HCN1: variants seen among roughly 807,000 people sequenced by gnomAD.
HCN1 encodes potassium/sodium hyperpolarization-activated cyclic nucleotide-gated channel 1.
HCN1 carries 13 observed loss-of-function variants against 78.9 expected under a neutral mutation model. The ratio of observed to expected loss-of-function variants is 0.16; its 90% CI spans 0.11 to 0.26. HCN1 has a LOEUF of 0.26. Among genes scored for constraint, HCN1 ranks in the 10% least tolerant of loss-of-function variants. The pLI is 1.00. For missense variants in HCN1, 810 were observed against 1,154.3 expected (o/e 0.70, Z 4.32); for synonymous variants, 552 against 455.5 (o/e 1.21, Z -2.70).
chr5:45,644,613 C>T (rs1745510023), intron 2 of HCN1: 1 of 152,326 alleles, frequency 6.6e-6, no homozygotes, highest in African/African-American at 2.4e-5. Flanking sequence ...ATGAAATGAA[C>T]TAATAGGGAG....
intron 1 of HCN1, among the ~76,000 whole-genome samples, chr5:45,681,944 C>T (rs993379087): frequency 6.6e-6 from 1 of 151,994 alleles, no homozygotes; most frequent in Non-Finnish European, 1.5e-5. Flanking sequence ...GTGTTGAAGT[C>T]CTAACCCACA....
chr5:45,519,763 T>C (rs1434569281), intron 2 of HCN1, among the ~76,000 whole-genome samples: 1 of 152,018 alleles, frequency 6.6e-6, no homozygotes, highest in East Asian at 1.9e-4. Flanking sequence ...GAAAATTTTA[T>C]TTTCTGTCTT....
chr5:45,430,800 C>A (rs181407909), intron 3 of HCN1, among the ~76,000 whole-genome samples: 39 of 151,922 alleles, frequency 2.6e-4, no homozygotes, highest in African/African-American at 9.4e-4. Context: ...CCAGCCTGGG[C>A]GACAGAGCGA....
intron 7 of HCN1, among the ~76,000 whole-genome samples, 160 bp downstream of exon 7, chr5:45,266,929 G>C (rs770333705): frequency 2.0e-5 from 3 of 151,996 alleles, no homozygotes; most frequent in African/African-American, 7.3e-5. Flanking sequence ...GGCTGGTCTC[G>C]AACTCCTGAC....
chr5:45,320,354 G>C (rs1202600823), intron 5 of HCN1, among the ~76,000 whole-genome samples: 3 of 151,790 alleles, frequency 2.0e-5, no homozygotes, highest in African/African-American at 7.2e-5. Flanking sequence ...CAAAACAGCA[G>C]TTGGTATGTT....
At chr5:45,487,679 G>T (rs1419493457) in intron 2 of HCN1, among the ~76,000 whole-genome samples, 1 of 152,028 alleles carries the variant, frequency 6.6e-6, no homozygotes, top group African/African-American at 2.4e-5. Context: ...AATAATGTAA[G>T]TTCATGTTCC....
At chr5:45,414,046 T>C (rs747086102) in intron 3 of HCN1, among the ~76,000 whole-genome samples, 7 of 151,918 alleles carry the variant, frequency 4.6e-5, no homozygotes, top group Non-Finnish European at 1.0e-4. Context: ...TAGATATTAA[T>C]CAATTAGACC....
intron 2 of HCN1, among the ~76,000 whole-genome samples, chr5:45,508,371 C>T (rs1742348637): frequency 1.3e-5 from 2 of 152,116 alleles, no homozygotes; most frequent in South Asian, 2.1e-4. Flanking sequence ...AACTGAAAAC[C>T]AAAAGGAGTT....
chr5:45,357,735 T>A (rs1747029260), intron 4 of HCN1, among the ~76,000 whole-genome samples: 1 of 152,058 alleles, frequency 6.6e-6, no homozygotes, highest in Admixed American at 6.6e-5. Context: ...AAGCAGACTG[T>A]AATGATTTGT....
intron 4 of HCN1, among the ~76,000 whole-genome samples, chr5:45,355,157 TG>T (rs1172514941): frequency 1.3e-5 from 2 of 152,088 alleles, no homozygotes; most frequent in Non-Finnish European, 2.9e-5. Context: ...TTTGACTAAA[TG>T]ATCTTCCTTT....
chr5:45,336,314 T>C (rs1308968209), intron 5 of HCN1, among the ~76,000 whole-genome samples: 1 of 152,048 alleles, frequency 6.6e-6, no homozygotes, highest in Non-Finnish European at 1.5e-5. Context: ...TAAAATGCTA[T>C]GTTTTGGGGT....
At chr5:45,451,443 T>C (rs980599246) in intron 3 of HCN1, among the ~76,000 whole-genome samples, 6 of 152,070 alleles carry the variant, frequency 3.9e-5, no homozygotes, top group African/African-American at 1.4e-4. Flanking sequence ...TAATATTTAC[T>C]GATTTCAGGC....
At chr5:45,483,198 G>A (rs1579922369) in intron 2 of HCN1, among the ~76,000 whole-genome samples, 1 of 152,134 alleles carries the variant, frequency 6.6e-6, no homozygotes, top group Admixed American at 6.6e-5. Flanking sequence ...GCTTTCCACA[G>A]TGGCTGGACT....
chr5:45,402,907 C>A (rs1579871177), intron 3 of HCN1, among the ~76,000 whole-genome samples: 3 of 106,520 alleles, frequency 2.8e-5, no homozygotes, highest in African/African-American at 1.1e-4. Context: ...TCTTTTCTTT[C>A]TTTTGTCTCA....
intron 2 of HCN1, among the ~76,000 whole-genome samples, chr5:45,593,193 C>A (rs575467738): frequency 3.5e-5 from 5 of 142,748 alleles, no homozygotes; most frequent in African/African-American, 1.3e-4. Context: ...TACAGTTGCA[C>A]GCGCGCATGC....
intron 2 of HCN1, among the ~76,000 whole-genome samples, chr5:45,588,297 G>A (rs1349490751): frequency 6.6e-6 from 1 of 152,172 alleles, no homozygotes; most frequent in Non-Finnish European, 1.5e-5. Flanking sequence ...TGTCCCCATA[G>A]GTAGAATCAC....
chr5:45,495,701 A>G (rs1742010512), intron 2 of HCN1, among the ~76,000 whole-genome samples: 1 of 152,108 alleles, frequency 6.6e-6, no homozygotes, highest in Non-Finnish European at 1.5e-5. Flanking sequence ...GAATGCTTCC[A>G]GTTTTTGCCC....
intron 2 of HCN1, among the ~76,000 whole-genome samples, chr5:45,525,713 G>T (rs1742724076): frequency 6.6e-6 from 1 of 151,984 alleles, no homozygotes; most frequent in Non-Finnish European, 1.5e-5. Flanking sequence ...CCAGTCTACA[G>T]AATTAGTCAC....
At chr5:45,659,940 G>C (rs1381422309) in intron 1 of HCN1, among the ~76,000 whole-genome samples, 1 of 145,594 alleles carries the variant, frequency 6.9e-6, no homozygotes, top group Non-Finnish European at 1.5e-5. Context: ...TTCAGATTCA[G>C]GAAATACAGA....
Sources: gnomAD v4.1 joint callset for allele counts (sites outside exome capture counted in the v4.1 genomes callset) on GRCh38, gnomAD v4.1.1 for gene constraint, MANE v1.5 for transcripts, NCBI Gene and HGNC (gene_info 2026-07-23, HGNC 2026-07-21) for gene names.